KDM4C: variants seen among roughly 807,000 people sequenced by gnomAD.
KDM4C encodes lysine-specific demethylase 4C.
Under a neutral mutation model 129.3 loss-of-function variants are expected in KDM4C, and 81 were observed. The observed-to-expected ratio is 0.63, with a 90% confidence interval of 0.52 to 0.75. The LOEUF is 0.75. Ranked by LOEUF, KDM4C falls within the 30% of genes least tolerant of loss-of-function variation. The probability of loss-of-function intolerance (pLI) is 0.00; values close to 1 mark genes in which losing one functional copy is unlikely to be tolerated. For missense variants in KDM4C, 1,457 were observed against 1,304.0 expected (o/e 1.12, Z -1.81); for synonymous variants, 573 against 456.1 (o/e 1.26, Z -3.26).
At chr9:7,026,180 G>A (rs945507859) in intron 15 of KDM4C, among the ~76,000 whole-genome samples, 10 of 151,654 alleles carry the variant, frequency 6.6e-5, no homozygotes, top group African/African-American at 2.2e-4. Context: ...ACTCCAGCCT[G>A]GGTGACAGAG....
intron 19 of KDM4C, among the ~76,000 whole-genome samples, chr9:7,141,154 C>T (rs147317425): frequency 1.3e-5 from 2 of 151,984 alleles, no homozygotes; most frequent in Admixed American, 6.6e-5. Context: ...TTTTTTGGCT[C>T]TAGTGAAAAA....
intron 18 of KDM4C, among the ~76,000 whole-genome samples, chr9:7,122,022 C>G (rs1252124995): frequency 1.3e-5 from 2 of 151,858 alleles, no homozygotes; most frequent in Non-Finnish European, 2.9e-5. Flanking sequence ...TCTGGAGCAC[C>G]TATGTTGTGT....
At chr9:6,800,009 G>A (rs1828627679) in intron 2 of KDM4C, among the ~76,000 whole-genome samples, 1 of 151,752 alleles carries the variant, frequency 6.6e-6, no homozygotes, top group African/African-American at 2.4e-5. Context: ...GATTGCTTGA[G>A]CCCATGAGTT....
intron 8 of KDM4C, among the ~76,000 whole-genome samples, chr9:6,927,111 C>G (rs1589144328): frequency 6.6e-6 from 1 of 151,290 alleles, no homozygotes; most frequent in South Asian, 2.1e-4. Flanking sequence ...ATCTATCTAT[C>G]TATCTATCTA....
intron 1 of KDM4C, among the ~76,000 whole-genome samples, chr9:6,750,244 G>A (rs1053960856): frequency 6.6e-6 from 1 of 151,884 alleles, no homozygotes; most frequent in Non-Finnish European, 1.5e-5. Context: ...TTCGAGACCA[G>A]CCTGACCAAT....
chr9:6,721,586 CTT>C (rs59463106), intron 1 of KDM4C, among the ~76,000 whole-genome samples: 32,439 of 126,852 alleles, frequency 0.26, 4,573 homozygotes, highest in African/African-American at 0.41. Context: ...GCCCGGCCCT[CTT>C]TTTTTTTTTT....
chr9:7,072,520 C>G (rs938814178), intron 17 of KDM4C, among the ~76,000 whole-genome samples: 3 of 152,180 alleles, frequency 2.0e-5, no homozygotes, highest in African/African-American at 7.2e-5. Flanking sequence ...ATGCCTGACT[C>G]AAAAGGCTCC....
At chr9:7,157,252 G>C (rs1279937752) in intron 19 of KDM4C, among the ~76,000 whole-genome samples, 1 of 152,114 alleles carries the variant, frequency 6.6e-6, no homozygotes, top group African/African-American at 2.4e-5. Flanking sequence ...GGAGATTTTG[G>C]GCTGAGATGA....
chr9:6,972,037 C>CT (rs1832070258), intron 8 of KDM4C, among the ~76,000 whole-genome samples: 1 of 151,888 alleles, frequency 6.6e-6, no homozygotes, highest in Non-Finnish European at 1.5e-5. Flanking sequence ...TTGAAAACAA[C>CT]TGAGAACTAA....
chr9:6,811,439 G>C (rs967520057), intron 3 of KDM4C, among the ~76,000 whole-genome samples: 2 of 152,080 alleles, frequency 1.3e-5, no homozygotes, highest in African/African-American at 4.8e-5. Context: ...CCATTCATCT[G>C]TTTTTCTTTA....
At chr9:6,919,142 C>T (rs1045374635) in intron 8 of KDM4C, among the ~76,000 whole-genome samples, 13 of 152,214 alleles carry the variant, frequency 8.5e-5, no homozygotes, top group South Asian at 2.1e-4. Context: ...TGAGCCACCA[C>T]GCCCAGCCTA....
chr9:6,827,212 C>A (rs1360137239), intron 4 of KDM4C, among the ~76,000 whole-genome samples: 2 of 152,222 alleles, frequency 1.3e-5, no homozygotes, highest in Admixed American at 6.5e-5. Context: ...CTAGCTGTGA[C>A]TTTCAGGAAA....
intron 5 of KDM4C, among the ~76,000 whole-genome samples, chr9:6,860,196 A>AT (rs906384451): frequency 4.6e-5 from 7 of 151,948 alleles, no homozygotes; most frequent in African/African-American, 1.7e-4. Flanking sequence ...GGTGATGGGG[A>AT]TGGGGGGGCG....
intron 17 of KDM4C, among the ~76,000 whole-genome samples, chr9:7,068,331 T>G (rs1231387940): frequency 6.6e-6 from 1 of 152,252 alleles, no homozygotes; most frequent in African/African-American, 2.4e-5. Context: ...CATTTGCTTA[T>G]TTTCCGCACT....
chr9:7,007,603 C>T (rs1821912401), intron 12 of KDM4C, among the ~76,000 whole-genome samples: 1 of 152,180 alleles, frequency 6.6e-6, no homozygotes, highest in Non-Finnish European at 1.5e-5. Flanking sequence ...TATTGTTTAG[C>T]AGTGACTCTT....
chr9:6,999,795 C>T (rs980221663), intron 12 of KDM4C, among the ~76,000 whole-genome samples: 41 of 152,194 alleles, frequency 2.7e-4, no homozygotes, highest in African/African-American at 9.9e-4. Flanking sequence ...GAAAGTCTTT[C>T]CCCTGCGTAA....
chr9:7,038,272 C>T (rs958749244), intron 15 of KDM4C, among the ~76,000 whole-genome samples: 2 of 152,048 alleles, frequency 1.3e-5, no homozygotes, highest in South Asian at 2.1e-4. Context: ...TCAAGAAAGT[C>T]TCCCATTTCC....
chr9:6,827,725 C>T (rs377556494), intron 4 of KDM4C, among the ~76,000 whole-genome samples: 2 of 152,334 alleles, frequency 1.3e-5, no homozygotes, highest in East Asian at 3.9e-4. Flanking sequence ...CTAAATTTCA[C>T]ATCCAAGGCA....
chr9:6,921,766 G>A (rs1217998515), intron 8 of KDM4C, among the ~76,000 whole-genome samples: 4 of 151,934 alleles, frequency 2.6e-5, no homozygotes, highest in Non-Finnish European at 4.4e-5. Flanking sequence ...CAAATGCTAC[G>A]TGATCACTCC....
Sources: gnomAD v4.1 joint callset for allele counts (sites outside exome capture counted in the v4.1 genomes callset) on GRCh38, gnomAD v4.1.1 for gene constraint, MANE v1.5 for transcripts, NCBI Gene and HGNC (gene_info 2026-07-23, HGNC 2026-07-21) for gene names.